The following ERG variants were observed in gnomAD, a reference collection of about 807,000 sequenced individuals.
The protein encoded by ERG is ETS transcription factor ERG, also known as transcriptional regulator ERG.
Under a neutral mutation model 55.3 loss-of-function variants are expected in ERG, and 9 were observed. The ratio of observed to expected loss-of-function variants is 0.16; its 90% CI spans 0.10 to 0.28. The LOEUF is 0.28. Among genes scored for constraint, ERG ranks in the 10% least tolerant of loss-of-function variants. ERG has a pLI of 1.00. For synonymous variants in ERG, 223 were observed against 237.3 expected (o/e 0.94, Z 0.55); for missense variants, 434 against 631.6 (o/e 0.69, Z 3.35).
At chr21:38,507,313 A>G (rs2059470235) in intron 2 of ERG, among the ~76,000 whole-genome samples, 1 of 152,196 alleles carries the variant, frequency 6.6e-6, no homozygotes. Flanking sequence ...TTCATCCCCA[A>G]CTGCTCGGTG....
At chr21:38,636,278 G>T (rs2060388043) in intron 1 of ERG, among the ~76,000 whole-genome samples, 1 of 152,152 alleles carries the variant, frequency 6.6e-6, no homozygotes, top group African/African-American at 2.4e-5. Flanking sequence ...CCCATTCTCA[G>T]TTATGTACTT....
intron 1 of ERG, among the ~76,000 whole-genome samples, chr21:38,453,882 C>CA (rs3065380): frequency 0.046 from 5,916 of 129,830 alleles, 485 homozygotes; most frequent in African/African-American, 0.15. Flanking sequence ...AAAACTCCAT[C>CA]AAAAAAAAAA....
intron 2 of ERG, among the ~76,000 whole-genome samples, chr21:38,443,824 C>T (rs1337630001): frequency 1.3e-5 from 2 of 151,842 alleles, no homozygotes; most frequent in African/African-American, 4.8e-5. Flanking sequence ...GTGTCCTGGA[C>T]CCATCATTGC....
At chr21:38,543,350 T>G (rs1231432217) in intron 2 of ERG, among the ~76,000 whole-genome samples, 1 of 69,722 alleles carries the variant, frequency 1.4e-5, no homozygotes, top group Non-Finnish European at 2.7e-5. Flanking sequence ...CATATGTATA[T>G]GTGTGTTTTT....
chr21:38,593,995 A>G (rs908103124), intron 1 of ERG, among the ~76,000 whole-genome samples: 1 of 152,188 alleles, frequency 6.6e-6, no homozygotes, highest in Non-Finnish European at 1.5e-5. Flanking sequence ...CCCAATTCGT[A>G]TATCACATTG....
intron 1 of ERG, among the ~76,000 whole-genome samples, chr21:38,581,324 T>A (rs574552287): frequency 6.6e-6 from 1 of 152,310 alleles, no homozygotes; most frequent in South Asian, 2.1e-4. Flanking sequence ...GATCACTTTA[T>A]CCTCCAAGAG....
Position 38,543,687 on chromosome 21 carries a change from A to G in ERG, c.-41+31975T>C, listed in dbSNP as rs1466767514. 2.0e-5 allele frequency among the ~76,000 whole-genome samples: 3 copies of G among 152,086 alleles called. No homozygotes were observed. The East Asian group carries it at 5.8e-4, about 29-fold the overall frequency. On this transcript the variant is annotated intron_variant, in intron 2 of 8. Coordinates refer to the ERG transcript ENST00000398897. ...AAAAGAGTAAAGTTAATAGCCTGTG[A>G]GAAGGGGATATAAAAGTGGGAAGGA...
intron 1 of ERG, among the ~76,000 whole-genome samples, chr21:38,611,119 C>T (rs1259268831): frequency 1.3e-5 from 2 of 152,168 alleles, no homozygotes; most frequent in East Asian, 3.9e-4. Context: ...TCGTGCCACG[C>T]ATCCAAACCC....
the ERG span, among the ~76,000 whole-genome samples, chr21:38,369,393 A>G: frequency 6.6e-6 from 1 of 152,170 alleles, no homozygotes; most frequent in Non-Finnish European, 1.5e-5. Context: ...TTTTCAAATA[A>G]TTGTTGGCCA....
At chr21:38,588,896 T>A (rs1027271197), upstream of ERG, among the ~76,000 whole-genome samples, 4 of 117,426 alleles carry the variant, frequency 3.4e-5, no homozygotes, top group African/African-American at 1.2e-4. Flanking sequence ...TGGCTAATTT[T>A]TAAAAAAAAA....
chr21:38,405,864 G>C (rs1375252272), intron 3 of ERG, among the ~76,000 whole-genome samples: 1 of 152,084 alleles, frequency 6.6e-6, no homozygotes, highest in African/African-American at 2.4e-5. Context: ...TTAAAAATCA[G>C]TGCACAGGCC....
chr21:38,367,972 C>T, the ERG span, among the ~76,000 whole-genome samples: 1 of 152,150 alleles, frequency 6.6e-6, no homozygotes, highest in Non-Finnish European at 1.5e-5. Context: ...CAGCTTCCAT[C>T]CTAGGCCTCT....
At chr21:38,618,500 A>G (rs1249027570) in intron 1 of ERG, among the ~76,000 whole-genome samples, 2 of 152,202 alleles carry the variant, frequency 1.3e-5, no homozygotes, top group Non-Finnish European at 2.9e-5. Context: ...CACCTTAACT[A>G]TAAGGTCCCT....
intron 9 of ERG, 106 bp from the exon 10 acceptor site, chr21:38,384,029 T>A: frequency 9.8e-6 from 14 of 1,427,382 alleles, no homozygotes; most frequent in Non-Finnish European, 1.3e-5. Flanking sequence ...CCGCCCACAT[T>A]CCCTTCACCA....
intron 1 of ERG, among the ~76,000 whole-genome samples, chr21:38,592,929 C>T (rs2060109717): frequency 6.6e-6 from 1 of 152,118 alleles, no homozygotes; most frequent in African/African-American, 2.4e-5. Flanking sequence ...TTCAATCAAC[C>T]TTTCTCCCCA....
chr21:38,435,187 C>A (rs1016749775), intron 2 of ERG, among the ~76,000 whole-genome samples: 1 of 152,084 alleles, frequency 6.6e-6, no homozygotes, highest in Non-Finnish European at 1.5e-5. Flanking sequence ...ACAAATAAAT[C>A]CCTTCTCAGG....
At chr21:38,403,850 G>A (rs1245594265) in intron 3 of ERG, 141 bp from the exon 4 acceptor site, 3 of 716,752 alleles carry the variant, frequency 4.2e-6, no homozygotes, top group Non-Finnish European at 7.1e-6. Flanking sequence ...CTACCCAGGA[G>A]AACATTTTGG....
chr21:38,572,229 G>A (rs903435461), intron 2 of ERG, among the ~76,000 whole-genome samples: 33 of 150,598 alleles, frequency 2.2e-4, no homozygotes, highest in African/African-American at 6.3e-4. Context: ...TTAGCCAGGC[G>A]TGGTGGCAGG....
chr21:38,383,271 C>T lies in ERG; in HGVS notation c.*132G>A, dbSNP rs1367104230. 7.5e-7 allele frequency: 1 copy of T among 1,336,914 alleles called. No homozygotes were observed. Among genetic ancestry groups the T allele is most frequent in the East Asian group, 2.7e-5 (1 of 37,344 alleles). 82.8% of individuals were successfully genotyped at this position (1,336,914 alleles called of 1,614,324 possible). On this transcript the variant is annotated 3_prime_UTR_variant, in exon 10 of 10. Transcript: ENST00000288319. This position sits in a 1 kb window ranked among gnomAD's most constrained non-coding sequence, Gnocchi z 5.7. ...TCCCAAGAGTCTTTGGATCTCTTCCCCGGCTTCCTTCCCCAGCCCCAGTAA... is the reference window on the plus strand; with the variant it reads ...TCCCAAGAGTCTTTGGATCTCTTCCTCGGCTTCCTTCCCCAGCCCCAGTAA...
Sources: allele counts gnomAD v4.1 joint callset (sites outside exome capture counted in the v4.1 genomes callset), GRCh38; gene constraint gnomAD v4.1.1; non-coding constraint Gnocchi (gnomAD v3.1); transcripts MANE v1.5; gene names NCBI Gene and HGNC (gene_info 2026-07-23, HGNC 2026-07-21).